Variants in TRIM55 observed in about 807,000 individuals in gnomAD.
The protein encoded by TRIM55 is tripartite motif-containing protein 55.
Under a neutral mutation model 60.9 loss-of-function variants are expected in TRIM55, and 50 were observed. The ratio of observed to expected loss-of-function variants is 0.82; its 90% CI spans 0.65 to 1.04. TRIM55 has a LOEUF of 1.04. TRIM55 is among the 50% of genes least tolerant of loss of function. TRIM55 has a pLI of 0.00. For missense variants in TRIM55, 681 were observed against 666.9 expected, an observed-to-expected ratio of 1.02 and a Z score of -0.23; for synonymous variants, 237 against 238.1, an observed-to-expected ratio of 1.00 and a Z score of 0.04.
chr8:66,122,871 A>G (rs969677588), upstream of TRIM55, among the ~76,000 whole-genome samples: 7 of 152,252 alleles, frequency 4.6e-5, no homozygotes, highest in African/African-American at 1.7e-4. Flanking sequence ...TATGACAGAT[A>G]GCAGGCCCTG....
the TRIM55 span, among the ~76,000 whole-genome samples, chr8:66,119,587 G>A: frequency 8.5e-5 from 13 of 152,190 alleles, no homozygotes; most frequent in African/African-American, 3.1e-4. Flanking sequence ...AGAATGCTCT[G>A]ACCTATTTTG....
chr8:66,127,527 T>TA, intron 1 of TRIM55, 91 bp downstream of exon 1: 2 of 1,472,152 alleles, frequency 1.4e-6, no homozygotes, highest in Non-Finnish European at 1.9e-6. Context: ...TGAAATCCTT[T>TA]AAAAAACTTT....
intron 1 of TRIM55, 38 bp downstream of exon 1, chr8:66,127,474 G>T (rs375248598): frequency 1.9e-6 from 3 of 1,549,816 alleles, no homozygotes; most frequent in East Asian, 4.5e-5. Flanking sequence ...GGAGGGGGTG[G>T]AAAAGATTCC....
Position 66,156,421 on chromosome 8 carries a change from G to A in TRIM55, c.1524+2087G>A, listed in dbSNP as rs111730494. On this transcript the variant is annotated intron_variant, in intron 9 of 9. Transcript: ENST00000315962. ...AACTAAGCCATAAAGTCATCAAGCA[G>A]TCCATTTATATTATTTCCGAGTCAC... Among the ~76,000 whole-genome samples the A allele has an allele frequency of 3.3e-3, 500 of 152,290 alleles. 3 individuals are homozygous for A. The highest frequency in any genetic ancestry group is 0.011 in the African/African-American group (453 of 41,564).
At position 66,137,206 on chromosome 8, in the gene TRIM55, C is replaced by A; in HGVS notation, c.603+16C>A. On this transcript the variant is annotated intron_variant, in intron 4 of 9. Transcript: ENST00000315962. The stretch of plus-strand genomic sequence containing the variant: ...AACTATCGAGGTGAGTCAGGTGACT[C>A]CCACAGCGTCTCAACCAAGCCTGCA... 6.2e-7 allele frequency: 1 copy of A among 1,604,132 alleles called. No individual in the cohort carries two copies. The highest frequency in any genetic ancestry group is 8.5e-7 in the Non-Finnish European group (1 of 1,171,418).
upstream of TRIM55, among the ~76,000 whole-genome samples, chr8:66,126,323 G>T (rs528041706): frequency 6.6e-6 from 1 of 152,296 alleles, no homozygotes; most frequent in Admixed American, 6.5e-5. Context: ...TATAATTTAA[G>T]AATTTAAATA....
At chr8:66,131,265 T>A (rs2469280) in intron 2 of TRIM55, among the ~76,000 whole-genome samples, 86 of 152,142 alleles carry the variant, frequency 5.7e-4, no homozygotes, top group Non-Finnish European at 1.0e-3. Context: ...ACACAACTTT[T>A]AGAATTCATT....
the TRIM55 span, chr8:66,114,520 C>A: frequency 2.2e-6 from 1 of 456,178 alleles, no homozygotes; most frequent in Non-Finnish European, 4.4e-6. Flanking sequence ...TATTATCACT[C>A]AGAATCCTTT....
chr8:66,141,972 T>C (rs1446861807), intron 4 of TRIM55, among the ~76,000 whole-genome samples: 1 of 152,234 alleles, frequency 6.6e-6, no homozygotes, highest in Non-Finnish European at 1.5e-5. Flanking sequence ...AACATATGTT[T>C]AAAAGAACAG....
chr8:66,114,248 G>A, the TRIM55 span, among the ~76,000 whole-genome samples: 93 of 152,276 alleles, frequency 6.1e-4, no homozygotes, highest in South Asian at 0.011. Flanking sequence ...CGGGATCGAT[G>A]CCCGCATCCT....
chr8:66,159,758 C>T (rs1810945937), intron 9 of TRIM55, among the ~76,000 whole-genome samples: 1 of 152,140 alleles, frequency 6.6e-6, no homozygotes, highest in South Asian at 2.1e-4. Context: ...TGCATGGTTT[C>T]TCCTTGTGGT....
rs1810503281 is a variant in TRIM55 at position 66,152,633 on chromosome 8, C to T, written c.1236+6C>T. The T allele has an allele frequency of 6.2e-7, 1 of 1,612,798 alleles. No homozygotes were observed. The highest frequency in any genetic ancestry group is 8.5e-7 in the Non-Finnish European group (1 of 1,179,426). ...CGGATGCCCCTGTGACACAGGTAAC[C>T]CCTCCTGAGTCTCTTTCTACAGGGC... is the stretch of plus-strand genomic sequence containing the variant. On this transcript the variant is annotated splice_donor_region_variant and intron_variant, in intron 8 of 9. Coordinates refer to ENST00000315962, the MANE Select transcript of TRIM55 (RefSeq NM_184085.2).
the TRIM55 span, among the ~76,000 whole-genome samples, chr8:66,116,929 C>A: frequency 6.6e-6 from 1 of 152,100 alleles, no homozygotes; most frequent in African/African-American, 2.4e-5. Flanking sequence ...CTAAGTAAAT[C>A]CAACAACATA....
At chr8:66,120,341 G>A in the TRIM55 span, among the ~76,000 whole-genome samples, 4 of 152,074 alleles carry the variant, frequency 2.6e-5, no homozygotes, top group African/African-American at 9.7e-5. Context: ...AGAATTTCCC[G>A]AGTGACAGAC....
At chr8:66,152,223 G>A in intron 7 of TRIM55, 154 bp from the exon 8 acceptor site, 1 of 1,022,340 alleles carries the variant, frequency 9.8e-7, no homozygotes, top group Non-Finnish European at 1.4e-6. Flanking sequence ...GAAGCACAAA[G>A]CCCTGGCACG....
In TRIM55 at chr8:66,127,374, C is replaced by G; in HGVS notation, c.106C>G (p.Pro36Ala). The G allele has an allele frequency of 6.2e-7, 1 of 1,614,146 alleles. No homozygotes were observed. The highest frequency in any genetic ancestry group is 8.5e-7 in the Non-Finnish European group (1 of 1,180,032). The change falls in exon 1 of 10, where the codon CCT becomes GCT. Residue 36 changes from proline (P) to alanine (A), a missense_variant. Coordinates refer to ENST00000315962, the MANE Select transcript of TRIM55 (RefSeq NM_184085.2). The part of the protein sequence containing the change: ...CPICLEMFTK[P>A]VVILPCQHNL... ...CATCTGCTTAGAGATGTTCACGAAACCTGTGGTGATTCTCCCTTGTCAGCA... is the reference window on the plus strand; with the variant it reads ...CATCTGCTTAGAGATGTTCACGAAAGCTGTGGTGATTCTCCCTTGTCAGCA...
intron 9 of TRIM55, chr8:66,155,569 G>A: frequency 7.5e-7 from 1 of 1,340,492 alleles, no homozygotes; most frequent in Non-Finnish European, 1.1e-6. Context: ...AAATAATGTT[G>A]AAAATAATTA....
the TRIM55 span, among the ~76,000 whole-genome samples, chr8:66,113,975 G>A: frequency 2.0e-5 from 3 of 151,670 alleles, no homozygotes; most frequent in Admixed American, 6.6e-5. Context: ...CACCCGGGAA[G>A]CTGTGCCCGC....
At chr8:66,140,738 T>C (rs781124912) in intron 4 of TRIM55, among the ~76,000 whole-genome samples, 2 of 152,330 alleles carry the variant, frequency 1.3e-5, no homozygotes, top group African/African-American at 4.8e-5. Flanking sequence ...CCTGGTGGAT[T>C]ATCTACCAGG....
Sources: allele counts gnomAD v4.1 joint callset (sites outside exome capture counted in the v4.1 genomes callset), GRCh38; gene constraint gnomAD v4.1.1; transcripts MANE v1.5; gene names NCBI Gene and HGNC (gene_info 2026-07-23, HGNC 2026-07-21).